Variants in NFE2L3 observed in about 807,000 individuals in gnomAD.
NFE2L3 encodes NFE2 like bZIP transcription factor 3.
NFE2L3 carries 18 observed loss-of-function variants against 23.5 expected under a neutral mutation model. The ratio of observed to expected loss-of-function variants is 0.77; its 90% CI spans 0.53 to 1.13. NFE2L3 has a LOEUF of 1.13. Among genes scored for constraint, NFE2L3 ranks in the 50% most tolerant of loss-of-function variants. NFE2L3 has a pLI of 0.00. For missense variants in NFE2L3, 1,152 were observed against 877.2 expected (o/e 1.31, Z -3.96); for synonymous variants, 424 against 354.5 (o/e 1.20, Z -2.20).
intron 1 of NFE2L3, among the ~76,000 whole-genome samples, chr7:26,171,851 CA>C (rs200985835): frequency 7.3e-5 from 11 of 151,542 alleles, no homozygotes; most frequent in South Asian, 2.1e-4. Context: ...CCCATCTCTA[CA>C]AAAAAAACAA....
At chr7:26,165,334 G>A (rs995024558) in intron 1 of NFE2L3, among the ~76,000 whole-genome samples, 1 of 152,164 alleles carries the variant, frequency 6.6e-6, no homozygotes, top group African/African-American at 2.4e-5. Context: ...TTGAGCAGTG[G>A]TTTGTAGTTC....
At chr7:26,175,245 A>C (rs751585247) in intron 1 of NFE2L3, among the ~76,000 whole-genome samples, 6 of 151,466 alleles carry the variant, frequency 4.0e-5, no homozygotes, top group Non-Finnish European at 7.4e-5. Context: ...CTGTAGTCCC[A>C]GCTACTTGGG....
chr7:26,185,857 T>TA lies in NFE2L3; in HGVS notation c.*74_*75insA. On this transcript the variant is annotated 3_prime_UTR_variant, in exon 4 of 4. Coordinates refer to ENST00000056233, the MANE Select transcript of NFE2L3 (RefSeq NM_004289.7). ...ACTGATTATTTGGATCAGAAACCATTGAAACTGCTTCAAGAATTGTATCTT... is the reference window on the plus strand; with the variant it reads ...ACTGATTATTTGGATCAGAAACCATTAGAAACTGCTTCAAGAATTGTATCTT... 1 of 1,213,482 alleles carries TA rather than the reference T, an allele frequency of 8.2e-7. No individual in the cohort carries two copies. Among genetic ancestry groups the TA allele is most frequent in the Admixed American group, 3.0e-5 (1 of 33,614 alleles). The allele number at this position is 1,213,482 out of a possible 1,614,324, so 75.2% of individuals were successfully genotyped here. A position where few individuals can be genotyped will look rare whatever the true frequency, so the allele number is the denominator to read the frequency against.
Position 26,185,437 on chromosome 7 carries a change from G to C in NFE2L3, c.1739G>C (p.Arg580Pro). Residue 580 changes from arginine (R) to proline (P), a missense_variant, in exon 4 of 4, where the codon CGT (arginine) becomes CCT (proline). Arg to Pro is a moderately radical substitution (Grantham distance 103). Transcript: ENST00000056233. Reference sequence around the variant, plus strand: ...ACAGACCTACAAGTCTCACTTATCCGTGACATCAGACGAAGAGGGAAAAAT... The same window carrying C: ...ACAGACCTACAAGTCTCACTTATCCCTGACATCAGACGAAGAGGGAAAAAT... The part of the protein sequence containing the change: ...YLTDLQVSLI[R>P]DIRRRGKNKV... The C allele has an allele frequency of 6.2e-7, 1 of 1,614,044 alleles. No individual in the cohort carries two copies. The highest frequency in any genetic ancestry group is 1.1e-5 in the South Asian group (1 of 91,078).
chr7:26,182,858 G>C (rs1160219227), intron 2 of NFE2L3, among the ~76,000 whole-genome samples: 1 of 152,160 alleles, frequency 6.6e-6, no homozygotes. Flanking sequence ...TGGCAGCGCT[G>C]TCACGACTCA....
intron 2 of NFE2L3, among the ~76,000 whole-genome samples, chr7:26,178,852 A>G (rs112583782): frequency 4.3e-4 from 66 of 151,924 alleles, no homozygotes; most frequent in Middle Eastern, 6.8e-3. Context: ...TGGAAGGCAT[A>G]CCCTCAGGGG....
Position 26,152,431 on chromosome 7 carries a change from T to C in NFE2L3, c.-68T>C, listed in dbSNP as rs1367893090. ...GGGCGGCGCGCGGGGTCCGCACGTG[T>C]CACCCCGGCGGCTGGGGCGCCGGGA... is the stretch of plus-strand genomic sequence containing the variant. On this transcript the variant is annotated 5_prime_UTR_variant, in exon 1 of 4. Coordinates refer to ENST00000056233, the MANE Select transcript of NFE2L3 (RefSeq NM_004289.7). This position sits in a 1 kb window ranked among gnomAD's most constrained non-coding sequence, Gnocchi z 4.4. 1 of 1,116,942 alleles carries C rather than the reference T, an allele frequency of 9.0e-7. No individual in the cohort carries two copies. The highest frequency in any genetic ancestry group is 3.6e-5 in the East Asian group (1 of 28,118). 69.2% of individuals were successfully genotyped at this position (1,116,942 alleles called of 1,614,324 possible).
rs2128100744 is a variant in NFE2L3 at position 26,184,998 on chromosome 7, A to G, written c.1300A>G (p.Lys434Glu). 2 of 1,613,858 alleles carry G rather than the reference A, an allele frequency of 1.2e-6. No individual in the cohort carries two copies. Among genetic ancestry groups the G allele is most frequent in the Admixed American group, 1.7e-5 (1 of 60,014 alleles). The change falls in exon 4 of 4, where the codon AAG becomes GAG. Residue 434 changes from lysine to glutamate, a missense_variant. By Grantham distance (56) the Lys-to-Glu change is moderately conservative. Transcript: ENST00000056233. ...AAGTCACAATAATACCTCTGTCATC[A>G]AGTCTAATTCCTCTCACTCTGTGTG... ...DSSHNNTSVI[K>E]SNSSHSVCDE... is the part of the protein sequence containing the mutation.
rs769122194 is a variant in NFE2L3 at position 26,185,029 on chromosome 7, A to AAGGTGCTAT, written c.1336_1344dup (p.Ala446_Gly448dup). 6.2e-7 allele frequency: 1 copy of AAGGTGCTAT among 1,613,728 alleles called. No individual in the cohort carries two copies. Among genetic ancestry groups the AAGGTGCTAT allele is most frequent in the Non-Finnish European group, 8.5e-7 (1 of 1,179,822 alleles). On this transcript the variant is annotated inframe_insertion, in exon 4 of 4. Transcript: ENST00000056233. ...AATTCCTCTCACTCTGTGTGTGATGAAGGTGCTATAGGTTATTGCACTGAC... is the reference window on the plus strand; with the variant it reads ...AATTCCTCTCACTCTGTGTGTGATGAAGGTGCTATAGGTGCTATAGGTTATTGCACTGAC...
At chr7:26,170,126 A>G (rs7810549) in intron 1 of NFE2L3, among the ~76,000 whole-genome samples, 5,585 of 152,210 alleles carry the variant, frequency 0.037, 355 homozygotes, top group African/African-American at 0.13. Flanking sequence ...GATAAATTAT[A>G]CGGTCACTTA....
Position 26,185,796 on chromosome 7 carries a change from G to C in NFE2L3, c.*13G>C, listed in dbSNP as rs779028033. ...AAAGAGAAAGTGAGAAGAAACTGAA[G>C]ATGGACTCTATTATGTGAAGTAGTA... On this transcript the variant is annotated 3_prime_UTR_variant, in exon 4 of 4. Transcript: ENST00000056233. The C allele has an allele frequency of 3.8e-6, 6 of 1,570,872 alleles. No individual in the cohort carries two copies. Among genetic ancestry groups the C allele is most frequent in the Admixed American group, 2.1e-5 (1 of 47,072 alleles).
At chr7:26,157,027 G>A (rs935389771) in intron 1 of NFE2L3, among the ~76,000 whole-genome samples, 3 of 152,096 alleles carry the variant, frequency 2.0e-5, no homozygotes, top group African/African-American at 4.8e-5. Context: ...CAAGAGACTC[G>A]CTTGAACCTG....
In NFE2L3 at chr7:26,184,956, G is replaced by C. The variant is rs1782441374; in HGVS notation, c.1258G>C (p.Gly420Arg). 6.2e-7 allele frequency: 1 copy of C among 1,613,656 alleles called. No individual in the cohort carries two copies. The highest frequency in any genetic ancestry group is 1.3e-5 in the African/African-American group (1 of 74,848). The stretch of plus-strand genomic sequence containing the variant: ...TTTTGATGAACCAGATTCTGATTCT[G>C]GCCTTTCTTTAGATTCAAGTCACAA... ...QLFDEPDSDS[G>R]LSLDSSHNNT... Residue 420 changes from glycine (G) to arginine (R), a missense_variant, in exon 4 of 4, where the codon GGC becomes CGC. Physicochemically the swap from Gly to Arg is moderately radical, Grantham distance 125. Transcript: ENST00000056233.
At chr7:26,181,885 G>T (rs1317860329) in intron 2 of NFE2L3, among the ~76,000 whole-genome samples, 2 of 152,136 alleles carry the variant, frequency 1.3e-5, no homozygotes, top group African/African-American at 4.8e-5. Context: ...AAGGAAAAGG[G>T]TAAGTTGGAA....
At chr7:26,181,456 A>G (rs1784507482) in intron 2 of NFE2L3, among the ~76,000 whole-genome samples, 1 of 152,136 alleles carries the variant, frequency 6.6e-6, no homozygotes, top group Admixed American at 6.5e-5. Flanking sequence ...GACTGGTACA[A>G]TTCTAGCTAC....
rs1354330418 is a variant in NFE2L3 at position 26,186,161 on chromosome 7, T to A, written c.*378T>A. ...ATTATTTTAAGAGGTATTTCAGTTT[T>A]AAATGCAAAATAGCCTTATTTTCAT... On this transcript the variant is annotated 3_prime_UTR_variant, in exon 4 of 4. Transcript: ENST00000056233. The A allele has an allele frequency of 6.1e-6, 1 of 164,980 alleles. No homozygotes were observed. Among genetic ancestry groups the A allele is most frequent in the Non-Finnish European group, 1.3e-5 (1 of 76,916 alleles). The allele number at this position is 164,980 out of a possible 1,614,324, so 10.2% of individuals were successfully genotyped here. A position where few individuals can be genotyped will look rare whatever the true frequency, so the allele number is the denominator to read the frequency against.
At chr7:26,181,368 G>C (rs1299020716) in intron 2 of NFE2L3, among the ~76,000 whole-genome samples, 1 of 152,106 alleles carries the variant, frequency 6.6e-6, no homozygotes, top group Non-Finnish European at 1.5e-5. Context: ...AAATAAAACA[G>C]AAATGAGTTA....
At chr7:26,157,141 G>C (rs1011601309) in intron 1 of NFE2L3, among the ~76,000 whole-genome samples, 10 of 152,062 alleles carry the variant, frequency 6.6e-5, no homozygotes, top group Middle Eastern at 3.4e-3. Context: ...GAAACTGTTG[G>C]GCTGGTTTCT....
chr7:26,186,866 AC>A lies in NFE2L3; in HGVS notation c.*1084del, dbSNP rs1385915965. 1 of 152,228 alleles carries A rather than the reference AC, an allele frequency of 6.6e-6. No homozygotes were observed. The highest frequency in any genetic ancestry group is 1.9e-4 in the East Asian group (1 of 5,196). The allele number at this position is 152,228 out of a possible 1,614,324, so 9.4% of individuals were successfully genotyped here. A position where few individuals can be genotyped will look rare whatever the true frequency, so the allele number is the denominator to read the frequency against. ...TGAAATGAAAACCTCACTTAAGTTCACTAGAACAGTAAACAGGAGATTGCTG... is the reference window on the plus strand; with the variant it reads ...TGAAATGAAAACCTCACTTAAGTTCATAGAACAGTAAACAGGAGATTGCTG... On this transcript the variant is annotated 3_prime_UTR_variant, in exon 4 of 4. Transcript: ENST00000056233.
Sources: gnomAD v4.1 joint callset for allele counts (sites outside exome capture counted in the v4.1 genomes callset) on GRCh38, gnomAD v4.1.1 for gene constraint, Gnocchi (gnomAD v3.1) non-coding constraint, MANE v1.5 for transcripts, NCBI Gene and HGNC (gene_info 2026-07-23, HGNC 2026-07-21) for gene names.